CDKAL1: variants seen among roughly 807,000 people sequenced by gnomAD.
CDKAL1 encodes CDKAL1 threonylcarbamoyladenosine tRNA methylthiotransferase.
A neutral mutation model predicts 68.2 loss-of-function variants in CDKAL1; 32 were observed. The observed-to-expected ratio is 0.47, with a 90% CI of 0.35 to 0.63. The LOEUF (loss-of-function observed/expected upper bound fraction) is 0.63, where lower values mean the gene tolerates loss of function less well. Among genes scored for constraint, CDKAL1 ranks in the 30% least tolerant of loss-of-function variants. The pLI is 0.00. For synonymous variants in CDKAL1, 234 were observed against 244.3 expected, an observed-to-expected ratio of 0.96 and a Z score of 0.39; for missense variants, 606 against 696.7, an observed-to-expected ratio of 0.87 and a Z score of 1.47.
At chr6:21,021,277 T>C (rs1768648551) in intron 11 of CDKAL1, among the ~76,000 whole-genome samples, 1 of 152,178 alleles carries the variant, frequency 6.6e-6, no homozygotes, top group Non-Finnish European at 1.5e-5. Flanking sequence ...TTTTTGAGAA[T>C]TGAGATAATA....
At position 20,628,856 on chromosome 6, in the gene CDKAL1, C is replaced by CT. The variant is rs796288693; in HGVS notation, c.287-20427dup. 1.7e-3 allele frequency among the ~76,000 whole-genome samples: 249 copies of CT among 147,830 alleles called. 1 individual carries two copies. The highest frequency in any genetic ancestry group is 2.5e-3 in the African/African-American group (100 of 40,366). ...ATGTTGTTAAGAATAGTACAAAACC[C>CT]TTTTTTTTTTGTTTTTTGCCTTCTG... On this transcript the variant is annotated intron_variant, in intron 4 of 15. Transcript: ENST00000274695.
intron 15 of CDKAL1, among the ~76,000 whole-genome samples, chr6:21,212,135 G>T (rs1562121105): frequency 6.6e-6 from 1 of 152,142 alleles, no homozygotes; most frequent in Non-Finnish European, 1.5e-5. Context: ...ATGAAAGCAG[G>T]CCCCGCCTGA....
intron 9 of CDKAL1, among the ~76,000 whole-genome samples, chr6:20,902,526 T>C (rs1227545771): frequency 2.0e-5 from 3 of 152,124 alleles, no homozygotes; most frequent in East Asian, 3.9e-4. Flanking sequence ...AGTTTGAACA[T>C]GTTATTTTGA....
intron 11 of CDKAL1, among the ~76,000 whole-genome samples, chr6:21,052,081 T>G (rs1312028689): frequency 6.6e-6 from 1 of 152,246 alleles, no homozygotes; most frequent in Non-Finnish European, 1.5e-5. Context: ...TTTTTTCTGT[T>G]TTTAGAGCAG....
intron 13 of CDKAL1, among the ~76,000 whole-genome samples, chr6:21,109,130 A>G (rs1773999457): frequency 6.6e-6 from 1 of 152,230 alleles, no homozygotes; most frequent in African/African-American, 2.4e-5. Flanking sequence ...AAGAAAAAAT[A>G]TGTAGCCATT....
At chr6:20,950,706 C>G (rs566679661) in intron 9 of CDKAL1, among the ~76,000 whole-genome samples, 4 of 152,152 alleles carry the variant, frequency 2.6e-5, no homozygotes, top group Non-Finnish European at 5.9e-5. Context: ...TGGCTCATGC[C>G]GGTAATCCCA....
intron 12 of CDKAL1, among the ~76,000 whole-genome samples, chr6:21,070,505 C>T (rs544059495): frequency 6.6e-6 from 1 of 150,490 alleles, no homozygotes; most frequent in Non-Finnish European, 1.5e-5. Flanking sequence ...TTTATGAGAT[C>T]ATCCCTGCTC....
chr6:20,742,367 A>G (rs1215600770), intron 6 of CDKAL1, among the ~76,000 whole-genome samples: 1 of 50,502 alleles, frequency 2.0e-5, no homozygotes, highest in African/African-American at 7.7e-5. Context: ...TTCATTTACA[A>G]TTGGAGAAAT....
chr6:21,203,717 T>TC (rs1404035308), intron 15 of CDKAL1, among the ~76,000 whole-genome samples: 2 of 144,780 alleles, frequency 1.4e-5, no homozygotes, highest in East Asian at 4.1e-4. Flanking sequence ...TTTTTTTTTT[T>TC]CCTGAAATGA....
intron 13 of CDKAL1, among the ~76,000 whole-genome samples, chr6:21,123,504 G>A (rs758260101): frequency 2.3e-4 from 35 of 152,122 alleles, no homozygotes; most frequent in Non-Finnish European, 4.1e-4. Context: ...GTCTTTGAGT[G>A]TACTACAAAT....
At chr6:21,048,306 A>G (rs974343816) in intron 11 of CDKAL1, among the ~76,000 whole-genome samples, 1 of 152,114 alleles carries the variant, frequency 6.6e-6, no homozygotes, top group Non-Finnish European at 1.5e-5. Flanking sequence ...TAGTTTGCCA[A>G]CCTCTGACCT....
chr6:20,734,066 T>A (rs922626047), intron 5 of CDKAL1, among the ~76,000 whole-genome samples: 4 of 150,964 alleles, frequency 2.6e-5, no homozygotes, highest in African/African-American at 9.7e-5. Flanking sequence ...GGAGAATCAA[T>A]TGAACCTGGG....
intron 9 of CDKAL1, among the ~76,000 whole-genome samples, chr6:20,885,989 A>T (rs1761048293): frequency 6.6e-6 from 1 of 152,142 alleles, no homozygotes; most frequent in Admixed American, 6.5e-5. Context: ...GTGAGCCAAG[A>T]TCATGCCACG....
At chr6:21,188,875 C>T (rs1286115783) in intron 13 of CDKAL1, among the ~76,000 whole-genome samples, 1 of 152,010 alleles carries the variant, frequency 6.6e-6, no homozygotes, top group Non-Finnish European at 1.5e-5. Flanking sequence ...CTAGAATACT[C>T]AGAATGTACA....
intron 6 of CDKAL1, 64 bp downstream of exon 6, chr6:20,739,679 A>G (rs1773361216): frequency 1.2e-6 from 1 of 836,722 alleles, no homozygotes; most frequent in African/African-American, 1.7e-5. Context: ...ATAGCTCCGC[A>G]TTTTATTTTC....
intron 10 of CDKAL1, among the ~76,000 whole-genome samples, chr6:20,966,960 C>G (rs1765350925): frequency 6.6e-6 from 1 of 152,106 alleles, no homozygotes; most frequent in Non-Finnish European, 1.5e-5. Flanking sequence ...TCTGTTGTAA[C>G]AAAGTACCAC....
At chr6:20,974,974 A>G (rs1262407282) in intron 10 of CDKAL1, among the ~76,000 whole-genome samples, 1 of 98,576 alleles carries the variant, frequency 1.0e-5, no homozygotes, top group Non-Finnish European at 2.2e-5. Flanking sequence ...GGCAGACCCT[A>G]TCTCAAAAAA....
intron 12 of CDKAL1, among the ~76,000 whole-genome samples, chr6:21,070,446 G>A (rs576665108): frequency 7.4e-6 from 1 of 134,656 alleles, no homozygotes; most frequent in East Asian, 2.3e-4. Flanking sequence ...GGTCTTCCCT[G>A]GATTTCACTG....
At position 20,969,076 on chromosome 6, in the gene CDKAL1, TTTG is replaced by T. The variant is rs200563166; in HGVS notation, c.909+13500_909+13502del. 4.0e-3 allele frequency among the ~76,000 whole-genome samples: 613 copies of T among 152,262 alleles called. 5 individuals are homozygous for T. Among genetic ancestry groups the T allele is most frequent in the African/African-American group, 0.013 (558 of 41,544 alleles). ...ATCGGATTCTTCTCACTCCCTACAG[TTTG>T]TTGTTGTTATTTGGTGACTTTTCTG... On this transcript the variant is annotated intron_variant, in intron 10 of 15. Coordinates refer to ENST00000274695, the MANE Select transcript of CDKAL1 (RefSeq NM_017774.3).
Sources: allele counts gnomAD v4.1 joint callset (sites outside exome capture counted in the v4.1 genomes callset), GRCh38; gene constraint gnomAD v4.1.1; transcripts MANE v1.5; gene names NCBI Gene and HGNC (gene_info 2026-07-23, HGNC 2026-07-21).